Variants in INPP5B observed in about 807,000 individuals in gnomAD.
The protein encoded by INPP5B is type II inositol 1,4,5-trisphosphate 5-phosphatase.
Under a neutral mutation model 118.5 loss-of-function variants are expected in INPP5B, and 90 were observed. The ratio of observed to expected loss-of-function variants is 0.76; its 90% CI spans 0.64 to 0.90. INPP5B has a LOEUF of 0.90. Ranked by LOEUF, INPP5B falls within the 40% of genes least tolerant of loss-of-function variation. The probability of loss-of-function intolerance (pLI) is 0.00; values close to 1 mark genes in which losing one functional copy is unlikely to be tolerated. For synonymous variants in INPP5B, 385 were observed against 418.9 expected, an observed-to-expected ratio of 0.92 and a Z score of 0.99; for missense variants, 984 against 1,125.6, an observed-to-expected ratio of 0.87 and a Z score of 1.80.
chr1:37,945,962 G>T, intron 2 of INPP5B, 112 bp from the exon 3 acceptor site: 1 of 954,888 alleles, frequency 1.0e-6, no homozygotes, highest in Non-Finnish European at 1.6e-6. Context: ...GTGGCCTTGG[G>T]TGAGCACTCA....
At chr1:37,935,848 C>T (rs1262844083) in intron 6 of INPP5B, among the ~76,000 whole-genome samples, 1 of 151,174 alleles carries the variant, frequency 6.6e-6, no homozygotes, top group Non-Finnish European at 1.5e-5. Context: ...GGGCGGATCA[C>T]GAGGTCAGGA....
At chr1:37,938,846 C>T (rs975267372) in intron 6 of INPP5B, among the ~76,000 whole-genome samples, 4 of 152,024 alleles carry the variant, frequency 2.6e-5, no homozygotes, top group Admixed American at 6.6e-5. Flanking sequence ...CACCTTAGGC[C>T]GGGAGTTCGA....
intron 13 of INPP5B, chr1:37,883,856 T>G (rs1643357055): frequency 1.4e-5 from 14 of 985,250 alleles, no homozygotes; most frequent in Non-Finnish European, 1.7e-5. Context: ...ACGGCCCCAG[T>G]GGCTTCTTCC....
chr1:37,866,616 A>T (rs1046404250), intron 20 of INPP5B, 73 bp from the exon 21 acceptor site: 10 of 888,088 alleles, frequency 1.1e-5, no homozygotes, highest in Admixed American at 1.9e-5. Flanking sequence ...ACCTGGCAAT[A>T]TCAATAGCAG....
intron 7 of INPP5B, chr1:37,929,334 G>C (rs1284902400): frequency 2.6e-5 from 4 of 152,036 alleles, no homozygotes; most frequent in Admixed American, 2.6e-4. Context: ...TGGCCAGGCT[G>C]GTCTCGAACT....
chr1:37,935,695 G>A (rs1645659308), intron 6 of INPP5B, among the ~76,000 whole-genome samples: 1 of 152,030 alleles, frequency 6.6e-6, no homozygotes, highest in Non-Finnish European at 1.5e-5. Context: ...CCCTGCTCTA[G>A]TTCTCTTTTT....
At chr1:37,873,202 C>T (rs770088847) in intron 18 of INPP5B, 37 bp from the exon 19 acceptor site, 12 of 1,482,734 alleles carry the variant, frequency 8.1e-6, no homozygotes, top group Non-Finnish European at 1.1e-5. Context: ...TGGCCGGGGG[C>T]AGGCCAAGAG....
intron 16 of INPP5B, 77 bp from the exon 17 acceptor site, chr1:37,875,793 G>A: frequency 1.0e-6 from 1 of 1,001,208 alleles, no homozygotes. Flanking sequence ...GGCATTCACA[G>A]CACTGGGAAA....
At chr1:37,874,409 C>A (rs769940745) in intron 17 of INPP5B, among the ~76,000 whole-genome samples, 29 of 152,094 alleles carry the variant, frequency 1.9e-4, no homozygotes, top group Non-Finnish European at 2.9e-4. Context: ...TCTTCTATAC[C>A]CAAAAACCAT....
intron 4 of INPP5B, 24 bp from the exon 5 acceptor site, chr1:37,943,693 C>T: frequency 1.9e-6 from 3 of 1,613,876 alleles, no homozygotes; most frequent in Non-Finnish European, 2.5e-6. Flanking sequence ...AATGAGAATG[C>T]CCTTAGCAAT....
chr1:37,870,953 G>A (rs999252020), intron 19 of INPP5B, among the ~76,000 whole-genome samples: 5 of 151,914 alleles, frequency 3.3e-5, no homozygotes, highest in Non-Finnish European at 7.4e-5. Context: ...TCAGGAGTTC[G>A]AGACCGGCCT....
At chr1:37,895,498 C>G (rs12730043) in intron 7 of INPP5B, among the ~76,000 whole-genome samples, 1 of 151,744 alleles carries the variant, frequency 6.6e-6, no homozygotes, top group African/African-American at 2.4e-5. Flanking sequence ...TCCCCCTCCC[C>G]CTCCCTCTCT....
intron 6 of INPP5B, among the ~76,000 whole-genome samples, chr1:37,938,907 A>G (rs1469690788): frequency 6.6e-6 from 1 of 151,708 alleles, no homozygotes; most frequent in Admixed American, 6.6e-5. Flanking sequence ...AAATACAAAA[A>G]ATTATGCTGG....
chr1:37,924,791 C>T (rs1208199394), intron 7 of INPP5B, among the ~76,000 whole-genome samples: 1 of 152,072 alleles, frequency 6.6e-6, no homozygotes, highest in African/African-American at 2.4e-5. Flanking sequence ...AATGCCAGCA[C>T]TTTGGGAGGC....
chr1:37,930,991 G>A (rs1229142336), intron 7 of INPP5B: 1 of 154,298 alleles, frequency 6.5e-6, no homozygotes, highest in African/African-American at 2.4e-5. Flanking sequence ...AAAAAAGACA[G>A]GTCTGCAGGT....
At chr1:37,888,138 G>C in intron 10 of INPP5B, 105 bp downstream of exon 10, 1 of 597,342 alleles carries the variant, frequency 1.7e-6, no homozygotes, top group East Asian at 3.1e-5. Flanking sequence ...CTGTTATCAG[G>C]CATCTGTTCA....
At chr1:37,908,289 C>T (rs1250851633) in intron 7 of INPP5B, among the ~76,000 whole-genome samples, 1 of 150,604 alleles carries the variant, frequency 6.6e-6, no homozygotes, top group Admixed American at 6.6e-5. Context: ...GGTCCTCAGA[C>T]CAACCAGCCC....
intron 7 of INPP5B, among the ~76,000 whole-genome samples, chr1:37,924,828 A>T (rs998125098): frequency 7.9e-5 from 12 of 152,158 alleles, no homozygotes; most frequent in Non-Finnish European, 2.9e-5. Flanking sequence ...ACTTGAGGTC[A>T]GGAGTTCAAG....
Position 37,891,135 on chromosome 1 carries a change from G to A in INPP5B, c.629+223C>T, listed in dbSNP as rs761348106. On this transcript the variant is annotated intron_variant, in intron 8 of 23. Transcript: ENST00000373024. ...CAGCTACTCAAGAAAGCTGAGGCAGGAGAATCACTTGAACCCAGGAGGTGG... is the reference window on the plus strand; with the variant it reads ...CAGCTACTCAAGAAAGCTGAGGCAGAAGAATCACTTGAACCCAGGAGGTGG... 7.9e-5 allele frequency among the ~76,000 whole-genome samples: 12 copies of A among 151,376 alleles called. 1 individual carries two copies. Among genetic ancestry groups the A allele is most frequent in the Non-Finnish European group, 1.5e-4 (10 of 67,928 alleles).
Sources: gnomAD v4.1 joint callset for allele counts (sites outside exome capture counted in the v4.1 genomes callset) on GRCh38, gnomAD v4.1.1 for gene constraint, MANE v1.5 for transcripts, NCBI Gene and HGNC (gene_info 2026-07-23, HGNC 2026-07-21) for gene names.